GADL1: variants seen among roughly 807,000 people sequenced by gnomAD.
The protein encoded by GADL1 is acidic amino acid decarboxylase GADL1.
Under a neutral mutation model 69.5 loss-of-function variants are expected in GADL1, and 71 were observed. The ratio of observed to expected loss-of-function variants is 1.02; its 90% CI spans 0.84 to 1.25. GADL1 has a LOEUF of 1.25. Ranked by LOEUF, GADL1 falls within the 50% of genes most tolerant of loss-of-function variation. The pLI is 0.00. For synonymous variants in GADL1, 254 were observed against 214.4 expected, an observed-to-expected ratio of 1.18 and a Z score of -1.62; for missense variants, 737 against 631.8, an observed-to-expected ratio of 1.17 and a Z score of -1.79.
chr3:30,747,488 G>C (rs1695724859), intron 14 of GADL1, among the ~76,000 whole-genome samples: 1 of 152,134 alleles, frequency 6.6e-6, no homozygotes, highest in Admixed American at 6.6e-5. Flanking sequence ...TAGCAATTTT[G>C]GTAAAGGATA....
chr3:30,875,136 T>C (rs188636695), intron 1 of GADL1, among the ~76,000 whole-genome samples: 237 of 151,270 alleles, frequency 1.6e-3, no homozygotes, highest in African/African-American at 5.5e-3. Context: ...AGATCTCAGA[T>C]GATTTGTCAT....
At chr3:30,800,710 T>G (rs756414506) in intron 12 of GADL1, 179 bp downstream of exon 12, 15 of 613,886 alleles carry the variant, frequency 2.4e-5, no homozygotes, top group Non-Finnish European at 2.6e-5. Flanking sequence ...ACTGAGAAAA[T>G]GTGTATTGGA....
chr3:30,866,190 G>A (rs938392900), intron 1 of GADL1, among the ~76,000 whole-genome samples: 5 of 152,054 alleles, frequency 3.3e-5, no homozygotes, highest in Admixed American at 2.0e-4. Context: ...AGGCACGGTG[G>A]TTCACACCTG....
chr3:30,889,741 AG>A (rs888833179), intron 1 of GADL1, among the ~76,000 whole-genome samples: 3 of 152,220 alleles, frequency 2.0e-5, no homozygotes, highest in Non-Finnish European at 4.4e-5. Flanking sequence ...GAGTTAGAGG[AG>A]GGCAAATTTA....
chr3:30,735,539 G>C, intron 14 of GADL1, among the ~76,000 whole-genome samples: 1 of 152,150 alleles, frequency 6.6e-6, no homozygotes, highest in East Asian at 1.9e-4. Context: ...AGACTCAAAG[G>C]CTGCCTTCTA....
chr3:30,779,187 G>A (rs1207075055), intron 13 of GADL1: 1 of 152,234 alleles, frequency 6.6e-6, no homozygotes, highest in Non-Finnish European at 1.5e-5. Flanking sequence ...ACTACTCAAT[G>A]ACTAGGAGAT....
chr3:30,781,318 A>T (rs1696660826), intron 13 of GADL1, among the ~76,000 whole-genome samples: 1 of 152,252 alleles, frequency 6.6e-6, no homozygotes, highest in African/African-American at 2.4e-5. Flanking sequence ...CATTTGGGAA[A>T]GAAATTAGTG....
chr3:30,777,757 G>A (rs1696569196), intron 14 of GADL1, among the ~76,000 whole-genome samples: 1 of 152,164 alleles, frequency 6.6e-6, no homozygotes, highest in Non-Finnish European at 1.5e-5. Flanking sequence ...GTAAGACATA[G>A]GGCCTTTGTT....
At chr3:30,810,015 G>A (rs999621005) in intron 11 of GADL1, among the ~76,000 whole-genome samples, 1 of 152,144 alleles carries the variant, frequency 6.6e-6, no homozygotes, top group Non-Finnish European at 1.5e-5. Context: ...GATACATGAG[G>A]TGCTTGTGAT....
At chr3:30,859,762 T>C (rs1452321080) in intron 2 of GADL1, among the ~76,000 whole-genome samples, 1 of 151,944 alleles carries the variant, frequency 6.6e-6, no homozygotes, top group African/African-American at 2.4e-5. Flanking sequence ...GGCTACCTTT[T>C]AATGGTGCTC....
intron 2 of GADL1, among the ~76,000 whole-genome samples, chr3:30,858,284 T>C (rs1047631763): frequency 6.6e-6 from 1 of 151,916 alleles, no homozygotes; most frequent in Admixed American, 6.6e-5. Flanking sequence ...TGTGACATAT[T>C]ATAGAGTTTG....
intron 14 of GADL1, among the ~76,000 whole-genome samples, chr3:30,774,293 C>T (rs1278140023): frequency 6.6e-6 from 1 of 152,046 alleles, no homozygotes; most frequent in African/African-American, 2.4e-5. Flanking sequence ...TTTCAAATGT[C>T]CTAGTAGAAA....
chr3:30,854,846 T>A, intron 3 of GADL1, 57 bp from the exon 4 acceptor site: 1 of 823,056 alleles, frequency 1.2e-6, no homozygotes, highest in Non-Finnish European at 2.0e-6. Context: ...AAACTACTGA[T>A]ACAGCATTAA....
At chr3:30,794,753 C>T (rs968185867) in intron 12 of GADL1, among the ~76,000 whole-genome samples, 3 of 152,166 alleles carry the variant, frequency 2.0e-5, no homozygotes, top group Non-Finnish European at 2.9e-5. Context: ...CATTGTCCTC[C>T]TGAAAGTGTC....
At chr3:30,752,853 G>GT (rs1559487555) in intron 14 of GADL1, among the ~76,000 whole-genome samples, 2 of 151,720 alleles carry the variant, frequency 1.3e-5, no homozygotes, top group African/African-American at 4.8e-5. Context: ...AGATAATTAA[G>GT]TTCTCAAATA....
At chr3:30,760,816 GTGA>G (rs1423729367) in intron 14 of GADL1, among the ~76,000 whole-genome samples, 2 of 152,170 alleles carry the variant, frequency 1.3e-5, no homozygotes, top group African/African-American at 2.4e-5. Context: ...TGGGGGCAGG[GTGA>G]TGATGGGCAG....
chr3:30,844,611 C>CT (rs1431240670), intron 6 of GADL1, 145 bp from the exon 7 acceptor site: 1 of 635,340 alleles, frequency 1.6e-6, no homozygotes, highest in Non-Finnish European at 2.8e-6. Flanking sequence ...AATTGAGCTC[C>CT]TTAGCATAGT....
chr3:30,810,758 C>T lies in GADL1; in HGVS notation c.1051-9670G>A, dbSNP rs144611372. Among the ~76,000 whole-genome samples, 1,207 of 152,178 alleles carry T rather than the reference C, an allele frequency of 7.9e-3. 17 individuals carry two copies. The highest frequency in any genetic ancestry group is 0.028 in the African/African-American group (1,154 of 41,500). On this transcript the variant is annotated intron_variant, in intron 11 of 14. Transcript: ENST00000282538. Reference sequence around the variant, plus strand: ...CTCCTCTGGCTCGCCTTTCTTCTCGCTTGTCATCCTAGCTACTCTCTCTCC... The same window carrying T: ...CTCCTCTGGCTCGCCTTTCTTCTCGTTTGTCATCCTAGCTACTCTCTCTCC...
At chr3:30,740,159 A>T (rs1695595455) in intron 14 of GADL1, among the ~76,000 whole-genome samples, 1 of 152,162 alleles carries the variant, frequency 6.6e-6, no homozygotes, top group South Asian at 2.1e-4. Flanking sequence ...TGCCTAAACT[A>T]AGCTCTGCTT....
Sources: allele counts gnomAD v4.1 joint callset (sites outside exome capture counted in the v4.1 genomes callset), GRCh38; gene constraint gnomAD v4.1.1; transcripts MANE v1.5; gene names NCBI Gene and HGNC (gene_info 2026-07-23, HGNC 2026-07-21).